ATP1A1: variants seen among roughly 807,000 people sequenced by gnomAD.
The protein encoded by ATP1A1 is sodium/potassium-transporting ATPase subunit alpha-1.
A neutral mutation model predicts 114.8 loss-of-function variants in ATP1A1; 14 were observed. That is an observed-to-expected ratio of 0.12 (90% confidence interval 0.08 to 0.19). The LOEUF (loss-of-function observed/expected upper bound fraction) is 0.19, where lower values mean the gene tolerates loss of function less well. Among genes scored for constraint, ATP1A1 ranks in the 10% least tolerant of loss-of-function variants. ATP1A1 has a pLI of 1.00. For missense variants in ATP1A1, 524 were observed against 1,290.7 expected (o/e 0.41, Z 9.10); for synonymous variants, 471 against 466.3 (o/e 1.01, Z -0.13).
chr1:116,379,634 A>T (rs997823784), intron 1 of ATP1A1, among the ~76,000 whole-genome samples: 2 of 152,208 alleles, frequency 1.3e-5, no homozygotes, highest in Non-Finnish European at 2.9e-5. Flanking sequence ...ATGCCAAAGG[A>T]GTTTTTTCTT....
At chr1:116,375,119 C>T (rs1164389673) in intron 1 of ATP1A1, among the ~76,000 whole-genome samples, 2 of 152,172 alleles carry the variant, frequency 1.3e-5, no homozygotes, top group African/African-American at 2.4e-5. Flanking sequence ...CTTTGTCTCT[C>T]CTGCCTTAAA....
Position 116,398,554 on chromosome 1 carries a change from GCATCGCACTATTTC to G in ATP1A1, c.2125-60_2125-47del. 8.4e-6 allele frequency: 13 copies of G among 1,549,032 alleles called. No homozygotes were observed. The South Asian group carries it at 1.5e-4, about 17-fold the overall frequency. On this transcript the variant is annotated intron_variant, in intron 15 of 22. Coordinates refer to ENST00000295598, the MANE Select transcript of ATP1A1 (RefSeq NM_000701.8). The surrounding 1 kb of genome is among the most constrained non-coding windows in gnomAD (Gnocchi z 6.1). ...TGTAATGAGTGCTCAGTGGGGGCAT[GCATCGCACTATTTC>G]CATCGCTAGGAAAAGTGATTGGTAT...
chr1:116,404,747 A>G lies in ATP1A1; in HGVS notation c.*303A>G. The G allele has an allele frequency of 8.5e-7, 1 of 1,170,380 alleles. No individual in the cohort carries two copies. The highest frequency in any genetic ancestry group is 1.1e-6 in the Non-Finnish European group (1 of 950,552). The allele number at this position is 1,170,380 out of a possible 1,614,324, so 72.5% of individuals were successfully genotyped here. ...GAATACATTTTATATCTGGATTTTT[A>G]CAAATAAAGATGGCTATTATAATGG... On this transcript the variant is annotated 3_prime_UTR_variant, in exon 23 of 23. Coordinates refer to ENST00000295598, the MANE Select transcript of ATP1A1 (RefSeq NM_000701.8). This position sits in a 1 kb window ranked among gnomAD's most constrained non-coding sequence, Gnocchi z 4.8.
At chr1:116,375,643 C>T (rs1651315122) in intron 1 of ATP1A1, among the ~76,000 whole-genome samples, 1 of 152,190 alleles carries the variant, frequency 6.6e-6, no homozygotes, top group Non-Finnish European at 1.5e-5. Context: ...ATACATTAAA[C>T]ATTAGTTTAC....
chr1:116,373,535 G>A lies in ATP1A1; in HGVS notation c.12+12G>A, dbSNP rs1256207766. ...CCATGGGGAAGGGGGTGAGTGTCCGGCGCGCCCGGGGAGGGGGCTCGGGGA... is the reference window on the plus strand; with the variant it reads ...CCATGGGGAAGGGGGTGAGTGTCCGACGCGCCCGGGGAGGGGGCTCGGGGA... On this transcript the variant is annotated intron_variant, in intron 1 of 22. Coordinates refer to ENST00000295598, the MANE Select transcript of ATP1A1 (RefSeq NM_000701.8). 4 of 1,448,356 alleles carry A rather than the reference G, an allele frequency of 2.8e-6. No homozygotes were observed. The highest frequency in any genetic ancestry group is 3.0e-5 in the African/African-American group (2 of 66,570). The allele number at this position is 1,448,356 out of a possible 1,614,324, so 89.7% of individuals were successfully genotyped here. A position where few individuals can be genotyped will look rare whatever the true frequency, so the allele number is the denominator to read the frequency against.
rs1652207854 is a variant in ATP1A1, at chr1:116,387,970, T to C, written c.388-161T>C. Reference sequence around the variant, plus strand: ...GCCTGACTCCATTTCTGACCCTTCCTGTGTGGTCTTTAGAAGGATAAATAA... The same window carrying C: ...GCCTGACTCCATTTCTGACCCTTCCCGTGTGGTCTTTAGAAGGATAAATAA... On this transcript the variant is annotated intron_variant, in intron 4 of 22. Transcript: ENST00000295598. This position sits in a 1 kb window ranked among gnomAD's most constrained non-coding sequence, Gnocchi z 6.7. Among the ~76,000 whole-genome samples, 1 of 152,240 alleles carries C rather than the reference T, an allele frequency of 6.6e-6. No homozygotes were observed. Among genetic ancestry groups the C allele is most frequent in the African/African-American group, 2.4e-5 (1 of 41,464 alleles).
chr1:116,400,176 T>C (rs1442623523), intron 18 of ATP1A1, among the ~76,000 whole-genome samples: 2 of 152,262 alleles, frequency 1.3e-5, no homozygotes, highest in Non-Finnish European at 2.9e-5. Context: ...ATGGGTCACA[T>C]AACTGTGAAC....
chr1:116,388,853 T>A lies in ATP1A1; in HGVS notation c.637-49T>A. The A allele has an allele frequency of 6.2e-7, 1 of 1,612,780 alleles. No homozygotes were observed. The highest frequency in any genetic ancestry group is 8.5e-7 in the Non-Finnish European group (1 of 1,179,004). On this transcript the variant is annotated intron_variant, in intron 6 of 22. Transcript: ENST00000295598. The surrounding 1 kb of genome is among the most constrained non-coding windows in gnomAD (Gnocchi z 5.6). ...ATTTGAGGGGTACAGTAGCCCATGATAAGGCTGGTGTATTCACATGACATT... is the reference window on the plus strand; with the variant it reads ...ATTTGAGGGGTACAGTAGCCCATGAAAAGGCTGGTGTATTCACATGACATT...
intron 1 of ATP1A1, chr1:116,374,274 C>A: frequency 6.4e-7 from 1 of 1,551,728 alleles, no homozygotes; most frequent in Non-Finnish European, 8.7e-7. Context: ...GGGCCACTTT[C>A]CGTAAACACA....
At position 116,385,493 on chromosome 1, in the gene ATP1A1, C is replaced by T. The variant is rs1444732484; in HGVS notation, c.183+651C>T. On this transcript the variant is annotated intron_variant, in intron 3 of 22. Transcript: ENST00000295598. This position sits in a 1 kb window ranked among gnomAD's most constrained non-coding sequence, Gnocchi z 4.3. ...ACTTGAATAGCAAGCCAATATGTAG[C>T]ATTTTTTCAGTAAGGCATCAAGAGA... 1 of 153,048 alleles carries T rather than the reference C, an allele frequency of 6.5e-6. No individual in the cohort carries two copies. The highest frequency in any genetic ancestry group is 2.4e-5 in the African/African-American group (1 of 41,444). The allele number at this position is 153,048 out of a possible 1,614,324, so 9.5% of individuals were successfully genotyped here.
rs1652209216 is a variant in ATP1A1 at position 116,388,002 on chromosome 1, A to T, written c.388-129A>T. 2 of 652,182 alleles carry T rather than the reference A, an allele frequency of 3.1e-6. No individual in the cohort carries two copies. The highest frequency in any genetic ancestry group is 5.3e-6 in the Non-Finnish European group (2 of 377,750). 40.4% of individuals were successfully genotyped at this position (652,182 alleles called of 1,614,324 possible). A position where few individuals can be genotyped will look rare whatever the true frequency, so the allele number is the denominator to read the frequency against. ...TCTTTAGAAGGATAAATAAGAAAAC[A>T]TGAGTTCTATATTTCTGAAATCTTG... is the stretch of plus-strand genomic sequence containing the variant. On this transcript the variant is annotated intron_variant, in intron 4 of 22. Coordinates refer to ENST00000295598, the MANE Select transcript of ATP1A1 (RefSeq NM_000701.8). This position sits in a 1 kb window ranked among gnomAD's most constrained non-coding sequence, Gnocchi z 5.6.
At position 116,373,465 on chromosome 1, in the gene ATP1A1, G is replaced by A; in HGVS notation, c.-47G>A. ...GGAGCTGCTCTGTGCTTTTCTCTCT[G>A]ATTCTCCAGCGACAGGACCCGGCGC... On this transcript the variant is annotated 5_prime_UTR_variant, in exon 1 of 23. Transcript: ENST00000295598. The A allele has an allele frequency of 6.6e-7, 1 of 1,511,572 alleles. No homozygotes were observed. The highest frequency in any genetic ancestry group is 1.5e-5 in the African/African-American group (1 of 68,616). 93.6% of individuals were successfully genotyped at this position (1,511,572 alleles called of 1,614,324 possible). A position where few individuals can be genotyped will look rare whatever the true frequency, so the allele number is the denominator to read the frequency against.
Position 116,399,393 on chromosome 1 carries a change from A to G in ATP1A1, c.2449-27A>G. The G allele has an allele frequency of 1.9e-6, 3 of 1,605,466 alleles. No individual in the cohort carries two copies. The highest frequency in any genetic ancestry group is 2.5e-6 in the Non-Finnish European group (3 of 1,177,192). ...ATTAGCTTCCTTATTTTTAGTAACT[A>G]AATTCCTTCTCCCCACCCCTTCCCA... On this transcript the variant is annotated intron_variant, in intron 17 of 22. Coordinates refer to ENST00000295598, the MANE Select transcript of ATP1A1 (RefSeq NM_000701.8). This position sits in a 1 kb window ranked among gnomAD's most constrained non-coding sequence, Gnocchi z 5.0.
rs1652682683 is a variant in ATP1A1 at position 116,393,900 on chromosome 1, G to A, written c.1660+177G>A. On this transcript the variant is annotated intron_variant, in intron 12 of 22. Transcript: ENST00000295598. This position sits in a 1 kb window ranked among gnomAD's most constrained non-coding sequence, Gnocchi z 5.0. ...CCCCCTATTATTTTGAAAACAATAA[G>A]TGCTGAAGAAATGTTCAGCGTATTG... is the stretch of plus-strand genomic sequence containing the variant. 6.6e-6 allele frequency among the ~76,000 whole-genome samples: 1 copy of A among 152,112 alleles called. No homozygotes were observed. The highest frequency in any genetic ancestry group is 1.5e-5 in the Non-Finnish European group (1 of 68,020).
In ATP1A1 at chr1:116,387,207, CA is replaced by C. The variant is rs1266408528; in HGVS notation, c.184-79del. The C allele has an allele frequency of 2.5e-4, 371 of 1,507,132 alleles. 2 individuals carry two copies. Among genetic ancestry groups the C allele is most frequent in the Non-Finnish European group, 2.5e-5 (27 of 1,098,602 alleles). 93.4% of individuals were successfully genotyped at this position (1,507,132 alleles called of 1,614,324 possible). On this transcript the variant is annotated intron_variant, in intron 3 of 22. Transcript: ENST00000295598. The surrounding 1 kb of genome is among the most constrained non-coding windows in gnomAD (Gnocchi z 6.7). ...TTGTTTCTTCCTTAAATCCTTATTG[CA>C]ACCGTCCAGCTACCAGGTAGGTATA...
chr1:116,398,144 A>G lies in ATP1A1; in HGVS notation c.2124+106A>G, dbSNP rs1021962291. ...GATGGATGGATGCATACCTCGCTGT[A>G]TTAGACTCAGTATAAATAGGCCAGT... On this transcript the variant is annotated intron_variant, in intron 15 of 22. Coordinates refer to ENST00000295598, the MANE Select transcript of ATP1A1 (RefSeq NM_000701.8). The surrounding 1 kb of genome is among the most constrained non-coding windows in gnomAD (Gnocchi z 6.1). 6.9e-7 allele frequency: 1 copy of G among 1,456,694 alleles called. No individual in the cohort carries two copies. Among genetic ancestry groups the G allele is most frequent in the African/African-American group, 1.4e-5 (1 of 71,058 alleles). 90.2% of individuals were successfully genotyped at this position (1,456,694 alleles called of 1,614,324 possible). A position where few individuals can be genotyped will look rare whatever the true frequency, so the allele number is the denominator to read the frequency against.
chr1:116,373,814 G>T (rs1651160482), intron 1 of ATP1A1: 1 of 1,246,062 alleles, frequency 8.0e-7, no homozygotes, highest in South Asian at 2.8e-5. Context: ...GCGGGCCGGG[G>T]GCTCCGAGAG....
chr1:116,396,443 G>A (rs1441454228), intron 13 of ATP1A1, among the ~76,000 whole-genome samples, 155 bp from the exon 14 acceptor site: 1 of 151,828 alleles, frequency 6.6e-6, no homozygotes, highest in Non-Finnish European at 1.5e-5. Flanking sequence ...TTATATTTTT[G>A]GCTAATCGAT....
chr1:116,395,396 TATTA>T lies in ATP1A1; in HGVS notation c.1836+115_1836+118del. 2 of 1,156,516 alleles carry T rather than the reference TATTA, an allele frequency of 1.7e-6. No homozygotes were observed. Among genetic ancestry groups the T allele is most frequent in the Non-Finnish European group, 2.4e-6 (2 of 848,640 alleles). The allele number at this position is 1,156,516 out of a possible 1,614,324, so 71.6% of individuals were successfully genotyped here. ...GCCAGCTGTTCTATCTCACCTGGAG[TATTA>T]ATTTCTCATCTCCAAAGCTTTACTT... is the stretch of plus-strand genomic sequence containing the variant. On this transcript the variant is annotated intron_variant, in intron 13 of 22. Transcript: ENST00000295598. This position sits in a 1 kb window ranked among gnomAD's most constrained non-coding sequence, Gnocchi z 6.4.
Sources: allele counts gnomAD v4.1 joint callset (sites outside exome capture counted in the v4.1 genomes callset), GRCh38; gene constraint gnomAD v4.1.1; non-coding constraint Gnocchi (gnomAD v3.1); transcripts MANE v1.5; gene names NCBI Gene and HGNC (gene_info 2026-07-23, HGNC 2026-07-21).